MEMO1: variants seen among roughly 807,000 people sequenced by gnomAD.
MEMO1 encodes mediator of cell motility 1, also known as protein MEMO1.
A neutral mutation model predicts 45.2 loss-of-function variants in MEMO1; 6 were observed. The ratio of observed to expected loss-of-function variants is 0.13; its 90% CI spans 0.07 to 0.26. The LOEUF (loss-of-function observed/expected upper bound fraction) is 0.26, where lower values mean the gene tolerates loss of function less well. MEMO1 is among the 10% of genes least tolerant of loss of function. The pLI is 1.00. For synonymous variants in MEMO1, 78 were observed against 124.3 expected, an observed-to-expected ratio of 0.63 and a Z score of 2.48; for missense variants, 184 against 370.5, an observed-to-expected ratio of 0.50 and a Z score of 4.13.
chr2:31,871,211 T>G (rs899017545), intron 8 of MEMO1, among the ~76,000 whole-genome samples: 1 of 152,210 alleles, frequency 6.6e-6, no homozygotes, highest in African/African-American at 2.4e-5. Flanking sequence ...TAAACTGGAT[T>G]CATACTCTGT....
intron 4 of MEMO1, among the ~76,000 whole-genome samples, chr2:31,926,369 C>T (rs1437916502): frequency 1.1e-4 from 6 of 53,446 alleles, no homozygotes; most frequent in African/African-American, 4.3e-4. Context: ...GATCCTGTCT[C>T]AAAAGGGAAA....
In MEMO1 at chr2:31,903,646, T is replaced by C. The variant is rs552340919; in HGVS notation, c.438-11512A>G. Among the ~76,000 whole-genome samples, 8 of 152,222 alleles carry C rather than the reference T, an allele frequency of 5.3e-5. No individual in the cohort carries two copies. In the South Asian group the frequency reaches 1.0e-3, roughly 20 times the overall value. On this transcript the variant is annotated intron_variant, in intron 6 of 9. Transcript: ENST00000404530. ...AAAATGCTCTTGCTGATAGGAGATA[T>C]GGTAATACTCAAAGGGAATCAACAT...
chr2:31,969,196 T>A (rs1668982869), intron 2 of MEMO1, among the ~76,000 whole-genome samples: 1 of 151,636 alleles, frequency 6.6e-6, no homozygotes, highest in South Asian at 2.1e-4. Flanking sequence ...GGATTCCTAA[T>A]CTCCAATATT....
chr2:31,912,657 T>C (rs1337179673), intron 6 of MEMO1, among the ~76,000 whole-genome samples: 2 of 151,918 alleles, frequency 1.3e-5, no homozygotes, highest in South Asian at 2.1e-4. Context: ...ACAAAGTGTA[T>C]AAGATATGAT....
chr2:31,927,639 T>TAAAA (rs555788140), intron 4 of MEMO1, among the ~76,000 whole-genome samples: 1 of 138,794 alleles, frequency 7.2e-6, no homozygotes, highest in Non-Finnish European at 1.6e-5. Flanking sequence ...TTATATTTTG[T>TAAAA]AAAAAAAAAA....
intron 2 of MEMO1, among the ~76,000 whole-genome samples, chr2:31,951,535 C>CT (rs1360236510): frequency 7.2e-6 from 1 of 139,554 alleles, no homozygotes; most frequent in Non-Finnish European, 1.6e-5. Flanking sequence ...TTTTTTTTAT[C>CT]TTTTTATTTT....
At chr2:31,970,770 G>A (rs557399080) in intron 2 of MEMO1, among the ~76,000 whole-genome samples, 42 of 152,292 alleles carry the variant, frequency 2.8e-4, no homozygotes, top group Non-Finnish European at 5.3e-4. Context: ...TTGGGAGGCC[G>A]AGGTGGGGGG....
chr2:32,006,984 AAAAG>A (rs1333258107), intron 2 of MEMO1, among the ~76,000 whole-genome samples: 12 of 150,886 alleles, frequency 8.0e-5, no homozygotes, highest in African/African-American at 2.7e-4. Context: ...AAAAAAAAAA[AAAAG>A]AAGTGAGAAT....
intron 2 of MEMO1, among the ~76,000 whole-genome samples, chr2:31,977,854 T>G (rs1478270979): frequency 6.6e-6 from 1 of 152,184 alleles, no homozygotes; most frequent in African/African-American, 2.4e-5. Context: ...ACTATGAAAC[T>G]TCACAAAATA....
At chr2:31,923,728 G>A in intron 4 of MEMO1, 1 of 1,537,756 alleles carries the variant, frequency 6.5e-7, no homozygotes, top group Non-Finnish European at 8.8e-7. Context: ...GAGCACTCCT[G>A]GAAAATCTGA....
At chr2:31,933,338 AAAAAAAAAAAATTTATAT>A (rs1416110575) in intron 3 of MEMO1, among the ~76,000 whole-genome samples, 2 of 57,244 alleles carry the variant, frequency 3.5e-5, no homozygotes, top group African/African-American at 1.6e-4. Context: ...AAAAAAAAAA[AAAAAAAAAAAATTTATAT>A]ATATATATAT....
chr2:31,877,985 T>C (rs1262877736), intron 8 of MEMO1, among the ~76,000 whole-genome samples: 1 of 152,160 alleles, frequency 6.6e-6, no homozygotes, highest in Non-Finnish European at 1.5e-5. Flanking sequence ...AAAACAAATA[T>C]CCTGATTGAC....
chr2:32,009,028 G>A (rs527665874), intron 2 of MEMO1, among the ~76,000 whole-genome samples: 83 of 152,262 alleles, frequency 5.5e-4, no homozygotes, highest in Non-Finnish European at 6.2e-4. Flanking sequence ...AATGACTGAA[G>A]ACTATGAGGA....
At chr2:31,969,086 C>T (rs1572846175) in intron 2 of MEMO1, among the ~76,000 whole-genome samples, 2 of 151,362 alleles carry the variant, frequency 1.3e-5, no homozygotes, top group East Asian at 3.9e-4. Context: ...ACCAATTTTC[C>T]CAATAATGTC....
intron 2 of MEMO1, among the ~76,000 whole-genome samples, chr2:31,975,468 C>T (rs1572866968): frequency 6.6e-6 from 1 of 152,068 alleles, no homozygotes; most frequent in Non-Finnish European, 1.5e-5. Flanking sequence ...CCTCTTGAAC[C>T]CATTCTCTAT....
chr2:31,902,480 A>C (rs1679008582), intron 6 of MEMO1, among the ~76,000 whole-genome samples: 1 of 152,168 alleles, frequency 6.6e-6, no homozygotes, highest in Admixed American at 6.5e-5. Flanking sequence ...CTGTTGCAGA[A>C]GAAAAAAAAG....
chr2:31,879,607 AT>A (rs1675055100), intron 8 of MEMO1, among the ~76,000 whole-genome samples: 3 of 152,232 alleles, frequency 2.0e-5, no homozygotes, highest in Non-Finnish European at 4.4e-5. Context: ...TATTTAAAAA[AT>A]AAACAGGTAA....
At chr2:31,985,411 C>T (rs1671143529) in intron 2 of MEMO1, among the ~76,000 whole-genome samples, 1 of 152,146 alleles carries the variant, frequency 6.6e-6, no homozygotes, top group South Asian at 2.1e-4. Context: ...TTGCAACCTC[C>T]ACCTCCTGGG....
intron 2 of MEMO1, among the ~76,000 whole-genome samples, chr2:31,993,278 G>A (rs1424163992): frequency 2.0e-5 from 3 of 152,206 alleles, no homozygotes; most frequent in African/African-American, 7.2e-5. Flanking sequence ...TCATGAGGAA[G>A]TAACAGGTCC....
Sources: allele counts gnomAD v4.1 joint callset (sites outside exome capture counted in the v4.1 genomes callset), GRCh38; gene constraint gnomAD v4.1.1; transcripts MANE v1.5; gene names NCBI Gene and HGNC (gene_info 2026-07-23, HGNC 2026-07-21).